OR8B2: variants seen among roughly 807,000 people sequenced by gnomAD.
The protein encoded by OR8B2 is olfactory receptor family 8 subfamily B member 2, also known as olfactory receptor 8B2.
For missense variants in OR8B2, 304 were observed against 379.6 expected (o/e 0.80, Z 1.65); for synonymous variants, 98 against 138.2 (o/e 0.71, Z 2.04).
the OR8B2 span, among the ~76,000 whole-genome samples, chr11:124,392,937 C>T: frequency 6.8e-6 from 1 of 147,992 alleles, no homozygotes; most frequent in Non-Finnish European, 1.5e-5. Flanking sequence ...TGGAACAGAA[C>T]AGAGCCCTCA....
chr11:124,387,085 G>A (rs1472166947), upstream of OR8B2, among the ~76,000 whole-genome samples: 1 of 152,126 alleles, frequency 6.6e-6, no homozygotes, highest in Admixed American at 6.5e-5. Context: ...CATATCCTTT[G>A]CCCACTTTTT....
At chr11:124,391,792 T>G in the OR8B2 span, among the ~76,000 whole-genome samples, 2 of 151,882 alleles carry the variant, frequency 1.3e-5, no homozygotes, top group South Asian at 2.1e-4. Flanking sequence ...TACCAAAGCC[T>G]GGCAGAGACA....
At chr11:124,395,661 A>G in the OR8B2 span, 1 of 152,214 alleles carries the variant, frequency 6.6e-6, no homozygotes, top group Non-Finnish European at 1.5e-5. Flanking sequence ...TTAGATAGCA[A>G]TGAATGAAAG....
chr11:124,384,627 C>T (rs1860663869), upstream of OR8B2, among the ~76,000 whole-genome samples: 1 of 152,156 alleles, frequency 6.6e-6, no homozygotes, highest in Non-Finnish European at 1.5e-5. Context: ...TCACACCAGA[C>T]CCACCATGTC....
chr11:124,396,713 G>T, the OR8B2 span: 6 of 1,613,646 alleles, frequency 3.7e-6, no homozygotes, highest in Non-Finnish European at 4.2e-6. Context: ...AAATGAGGAT[G>T]GTACAACTGG....
chr11:124,393,641 A>G, the OR8B2 span, among the ~76,000 whole-genome samples: 1 of 150,578 alleles, frequency 6.6e-6, no homozygotes, highest in African/African-American at 2.4e-5. Flanking sequence ...GTGGAGAAAT[A>G]GTTACACTGT....
intron 1 of OR8B2, among the ~76,000 whole-genome samples, chr11:124,383,802 A>G (rs2134191504): frequency 6.6e-6 from 1 of 152,314 alleles, no homozygotes; most frequent in East Asian, 1.9e-4. Context: ...TTTCCTAGAC[A>G]GGGGTCTCCT....
chr11:124,389,900 G>A, the OR8B2 span, among the ~76,000 whole-genome samples: 1 of 152,132 alleles, frequency 6.6e-6, no homozygotes, highest in Non-Finnish European at 1.5e-5. Flanking sequence ...TACAGATATT[G>A]GAAGGGGGAA....
Position 124,382,822 on chromosome 11 carries a change from G to A in OR8B2, c.522C>T (p.Ile174=), listed in dbSNP as rs886201. 0.31 allele frequency: 480,401 copies of A among 1,574,334 alleles called. 67,572 individuals are homozygous for A. The highest frequency in any genetic ancestry group is 0.38 in the South Asian group (34,351 of 89,428). Residue 174 remains isoleucine, a synonymous_variant, in exon 2 of 2, where the codon ATC becomes ATT. Coordinates refer to ENST00000641451, the MANE Select transcript of OR8B2 (RefSeq NM_001005468.2). The part of the protein sequence containing the change: ...LRLTFCSANI[I]NHYLCDILPL... Reference sequence around the variant, plus strand: ...GGAGTATGTCACACAAGTAATGGTTGATGATATTAGCACTGCAGAAGGTGA... The same window carrying A: ...GGAGTATGTCACACAAGTAATGGTTAATGATATTAGCACTGCAGAAGGTGA...
chr11:124,386,117 C>T (rs1292511996), upstream of OR8B2, among the ~76,000 whole-genome samples: 1 of 151,472 alleles, frequency 6.6e-6, no homozygotes, highest in African/African-American at 2.4e-5. Context: ...AGTGCAGATA[C>T]TGCTTGTTTA....
chr11:124,396,360 TA>T, the OR8B2 span: 1 of 1,472,946 alleles, frequency 6.8e-7, no homozygotes, highest in Non-Finnish European at 9.2e-7. Context: ...TGGAACACAC[TA>T]ATAAAAATTT....
At chr11:124,386,653 A>G (rs993896826), upstream of OR8B2, among the ~76,000 whole-genome samples, 17 of 151,634 alleles carry the variant, frequency 1.1e-4, no homozygotes, top group Non-Finnish European at 2.4e-4. Flanking sequence ...AATCCAGTCT[A>G]TCATTGTTGG....
At chr11:124,396,562 A>G in the OR8B2 span, 1 of 1,613,586 alleles carries the variant, frequency 6.2e-7, no homozygotes, top group Non-Finnish European at 8.5e-7. Flanking sequence ...ATAGATCCAG[A>G]AGAATATTTA....
In OR8B2 at chr11:124,383,060, A is replaced by G; in HGVS notation, c.284T>C (p.Val95Ala). Residue 95 changes from valine (V) to alanine (A), a missense_variant, in exon 2 of 2, where the codon GTT becomes GCT. Coordinates refer to ENST00000641451, the MANE Select transcript of OR8B2 (RefSeq NM_001005468.2). ...FVSKKNIISN[V>A]GCMTRLFFFL... ...GAAAAACAGCCGAGTCATGCACCCA[A>G]CATTGGAGATAATATTCTTTTTTGA... is the stretch of plus-strand genomic sequence containing the variant. 6 of 1,613,916 alleles carry G rather than the reference A, an allele frequency of 3.7e-6. No homozygotes were observed. The highest frequency in any genetic ancestry group is 2.2e-5 in the East Asian group (1 of 44,886).
At chr11:124,397,102 T>C in the OR8B2 span, 3 of 1,613,788 alleles carry the variant, frequency 1.9e-6, no homozygotes, top group East Asian at 6.7e-5. Flanking sequence ...GATACAAAGT[T>C]CATTAGCATT....
chr11:124,397,150 A>G, the OR8B2 span: 1 of 1,612,746 alleles, frequency 6.2e-7, no homozygotes, highest in Non-Finnish European at 8.5e-7. Context: ...AGATCAATGA[A>G]GGAGAGATTG....
upstream of OR8B2, chr11:124,384,533 A>C (rs1008579393): frequency 6.6e-6 from 1 of 152,178 alleles, no homozygotes; most frequent in African/African-American, 2.4e-5. Flanking sequence ...TAGATCTCAG[A>C]ATCTGAATGT....
At chr11:124,393,474 A>G in the OR8B2 span, among the ~76,000 whole-genome samples, 18,566 of 102,426 alleles carry the variant, frequency 0.18, 2,201 homozygotes, top group African/African-American at 0.21. Flanking sequence ...ACACTTCTCA[A>G]AAGAAGACAT....
At chr11:124,391,572 T>C in the OR8B2 span, among the ~76,000 whole-genome samples, 1 of 152,240 alleles carries the variant, frequency 6.6e-6, no homozygotes, top group East Asian at 1.9e-4. Context: ...CAGGAAGAAG[T>C]TGAATCTCTG....
Sources: gnomAD v4.1 joint callset for allele counts (sites outside exome capture counted in the v4.1 genomes callset) on GRCh38, gnomAD v4.1.1 for gene constraint, MANE v1.5 for transcripts, NCBI Gene and HGNC (gene_info 2026-07-23, HGNC 2026-07-21) for gene names.